Variants in CELF1 observed in about 807,000 individuals in gnomAD.
The protein encoded by CELF1 is CUGBP Elav-like family member 1, also known as 50 kDa nuclear polyadenylated RNA-binding protein.
CELF1 carries 10 observed loss-of-function variants against 61.8 expected under a neutral mutation model. The ratio of observed to expected loss-of-function variants is 0.16; its 90% CI spans 0.10 to 0.27. The LOEUF (loss-of-function observed/expected upper bound fraction) is 0.27, where lower values mean the gene tolerates loss of function less well. Ranked by LOEUF, CELF1 falls within the 10% of genes least tolerant of loss-of-function variation. The pLI is 1.00. For missense variants in CELF1, 380 were observed against 639.1 expected, an observed-to-expected ratio of 0.59 and a Z score of 4.37; for synonymous variants, 236 against 225.1, an observed-to-expected ratio of 1.05 and a Z score of -0.43.
intron 1 of CELF1, among the ~76,000 whole-genome samples, chr11:47,550,792 C>A (rs1227704070): frequency 6.6e-6 from 1 of 152,040 alleles, no homozygotes; most frequent in Admixed American, 6.6e-5. Flanking sequence ...CTGCCTATTA[C>A]ATCATGGGTA....
chr11:47,495,243 A>G (rs1167430085), intron 3 of CELF1, among the ~76,000 whole-genome samples: 1 of 152,220 alleles, frequency 6.6e-6, no homozygotes, highest in Non-Finnish European at 1.5e-5. Context: ...ATGCTACAAC[A>G]AAGACCTTGA....
chr11:47,533,994 A>G (rs927860626), intron 1 of CELF1, among the ~76,000 whole-genome samples: 11 of 145,644 alleles, frequency 7.6e-5, no homozygotes, highest in Non-Finnish European at 1.5e-4. Context: ...AGACCACAAC[A>G]TAAGTTATAT....
intron 3 of CELF1, among the ~76,000 whole-genome samples, chr11:47,497,115 G>A (rs1263309348): frequency 1.3e-5 from 2 of 152,250 alleles, no homozygotes; most frequent in East Asian, 1.9e-4. Context: ...AACAACTCTT[G>A]GGTTCTAGTG....
chr11:47,537,036 T>C (rs2096646142), intron 1 of CELF1, among the ~76,000 whole-genome samples: 1 of 152,160 alleles, frequency 6.6e-6, no homozygotes, highest in African/African-American at 2.4e-5. Context: ...AGTGGTTTAC[T>C]ATTTCCTTGA....
At chr11:47,555,275 T>C (rs2097202592), upstream of CELF1, among the ~76,000 whole-genome samples, 1 of 152,232 alleles carries the variant, frequency 6.6e-6, no homozygotes, top group African/African-American at 2.4e-5. Context: ...CTTTTCACAA[T>C]ATCTGACTCA....
At chr11:47,488,692 TA>T in intron 4 of CELF1, 144 bp downstream of exon 4, 1 of 554,012 alleles carries the variant, frequency 1.8e-6, no homozygotes, top group Non-Finnish European at 3.0e-6. Context: ...CAGACAGGAG[TA>T]TTCTGGCAAT....
chr11:47,534,021 C>CTTTTTTTTT (rs1565896662), intron 1 of CELF1, among the ~76,000 whole-genome samples: 1 of 98,470 alleles, frequency 1.0e-5, no homozygotes, highest in African/African-American at 3.4e-5. Context: ...TTTTTTCTTT[C>CTTTTTTTTT]CTTTTTTTTT....
intron 1 of CELF1, chr11:47,514,853 G>A (rs1162073753): frequency 6.6e-6 from 1 of 152,168 alleles, no homozygotes; most frequent in African/African-American, 2.4e-5. Flanking sequence ...GCAAGACCTT[G>A]TTTCAAAAAA....
chr11:47,542,778 G>A (rs1040473017), intron 1 of CELF1, among the ~76,000 whole-genome samples: 4 of 152,128 alleles, frequency 2.6e-5, no homozygotes, highest in Admixed American at 2.6e-4. Flanking sequence ...GATTAAAGGC[G>A]TGAGCCACCG....
At chr11:47,502,057 G>A (rs2093975598) in intron 1 of CELF1, among the ~76,000 whole-genome samples, 1 of 152,136 alleles carries the variant, frequency 6.6e-6, no homozygotes, top group Non-Finnish European at 1.5e-5. Context: ...TTTCCACCAA[G>A]CCAAGGGCTG....
chr11:47,564,897 A>T (rs930333314), intron 1 of CELF1, among the ~76,000 whole-genome samples: 1 of 152,116 alleles, frequency 6.6e-6, no homozygotes, highest in Admixed American at 6.5e-5. Context: ...TTTCTTAAGG[A>T]TATATTAATA....
intron 1 of CELF1, among the ~76,000 whole-genome samples, chr11:47,519,451 G>C (rs1041661839): frequency 3.3e-5 from 5 of 151,894 alleles, no homozygotes; most frequent in African/African-American, 1.2e-4. Context: ...CTGCACTCCA[G>C]CCTGTGTGAC....
Position 47,563,221 on chromosome 11 carries a change from A to G in CELF1, c.-11+1130T>C, listed in dbSNP as rs910467908. Among the ~76,000 whole-genome samples, 101 of 143,614 alleles carry G rather than the reference A, an allele frequency of 7.0e-4. 1 individual carries two copies. The highest frequency in any genetic ancestry group is 3.9e-4 in the East Asian group (2 of 5,070). The allele number at this position is 143,614 out of a possible 152,430, so 94.2% of individuals were successfully genotyped here. A position where few individuals can be genotyped will look rare whatever the true frequency, so the allele number is the denominator to read the frequency against. On this transcript the variant is annotated intron_variant, in intron 2 of 3. Transcript: ENST00000525841. Reference sequence around the variant, plus strand: ...GTGACAGTGAGACCCTGTTTCCTAGAAAAAAAAAAAAGAAAAGTAAAAAGA... The same window carrying G: ...GTGACAGTGAGACCCTGTTTCCTAGGAAAAAAAAAAAGAAAAGTAAAAAGA...
chr11:47,511,706 G>C (rs1389033457), intron 1 of CELF1, among the ~76,000 whole-genome samples: 1 of 152,154 alleles, frequency 6.6e-6, no homozygotes, highest in African/African-American at 2.4e-5. Flanking sequence ...TTGCAGATGA[G>C]AAAAGATACA....
At position 47,477,260 on chromosome 11, in the gene CELF1, G is replaced by C. The variant is rs186461667; in HGVS notation, c.973+37C>G. ...CTTTAAACACAAAGCATCTGTCCAA[G>C]GCACATAATGGCACACTGGGTCATC... On this transcript the variant is annotated intron_variant, in intron 11 of 14. Transcript: ENST00000687097. 257 of 1,612,310 alleles carry C rather than the reference G, an allele frequency of 1.6e-4. No individual in the cohort carries two copies. The East Asian group carries it at 5.2e-3, about 32-fold the overall frequency.
intron 1 of CELF1, chr11:47,523,168 AG>A (rs1222866923): frequency 3.3e-5 from 5 of 152,212 alleles, no homozygotes; most frequent in Admixed American, 1.3e-4. Flanking sequence ...AAATGAGACC[AG>A]GGAAGTTATA....
At chr11:47,472,395 T>C (rs113652587) in intron 14 of CELF1, 38 bp from the exon 15 acceptor site, 21 of 1,606,608 alleles carry the variant, frequency 1.3e-5, no homozygotes, top group African/African-American at 9.3e-5. Context: ...AGGGACATAA[T>C]GAGGCAAGGA....
In CELF1 at chr11:47,483,511, G is replaced by A. The variant is rs760257571; in HGVS notation, c.548C>T (p.Thr183Ile). ...LSRGCAFVTF[T>I]TRAMAQTAIK... is the part of the protein sequence containing the mutation. ...AGCCGTCTGTGCCATGGCTCTTGTT[G>A]TAAAAGTCACAAATGCACAACCTGG... is the stretch of plus-strand genomic sequence containing the variant. Residue 183 changes from threonine (T) to isoleucine (I), a missense_variant, in exon 8 of 15, where the codon ACA (threonine) becomes ATA (isoleucine). By Grantham distance (89) the Thr-to-Ile change is moderately conservative (BLOSUM62 -1). Coordinates refer to ENST00000687097, the MANE Select transcript of CELF1 (RefSeq NM_001376376.1). The A allele has an allele frequency of 2.5e-6, 4 of 1,613,838 alleles. No individual in the cohort carries two copies. Among genetic ancestry groups the A allele is most frequent in the East Asian group, 4.5e-5 (2 of 44,884 alleles).
At chr11:47,548,935 A>C (rs2097060026) in intron 1 of CELF1, among the ~76,000 whole-genome samples, 1 of 151,966 alleles carries the variant, frequency 6.6e-6, no homozygotes. Context: ...AAATCAAAAA[A>C]CTTGATTAAA....
Sources: allele counts gnomAD v4.1 joint callset (sites outside exome capture counted in the v4.1 genomes callset), GRCh38; gene constraint gnomAD v4.1.1; transcripts MANE v1.5; gene names NCBI Gene and HGNC (gene_info 2026-07-23, HGNC 2026-07-21).